Variants in PARD3B observed in about 807,000 individuals in gnomAD.
The protein encoded by PARD3B is partitioning defective 3 homolog B.
PARD3B carries 103 observed loss-of-function variants against 130.2 expected under a neutral mutation model. That is an observed-to-expected ratio of 0.79 (90% CI 0.67 to 0.93). The LOEUF (loss-of-function observed/expected upper bound fraction) is 0.93, where lower values mean the gene tolerates loss of function less well. Ranked by LOEUF, PARD3B falls within the 40% of genes least tolerant of loss-of-function variation. The pLI, the probability that PARD3B is intolerant of heterozygous loss-of-function variation, is 0.00. For synonymous variants in PARD3B, 583 were observed against 553.2 expected (o/e 1.05, Z -0.76); for missense variants, 1,609 against 1,499.2 (o/e 1.07, Z -1.21).
chr2:205,437,941 G>A (rs1285320091), intron 19 of PARD3B, among the ~76,000 whole-genome samples: 1 of 152,038 alleles, frequency 6.6e-6, no homozygotes, highest in African/African-American at 2.4e-5. Flanking sequence ...AATGAATTGG[G>A]GGTGGGGGTG....
At chr2:204,614,378 T>C (rs559159018) in intron 1 of PARD3B, among the ~76,000 whole-genome samples, 2 of 152,264 alleles carry the variant, frequency 1.3e-5, no homozygotes, top group African/African-American at 4.8e-5. Flanking sequence ...CAATTCAGAC[T>C]AATCATATTT....
At chr2:205,041,380 C>T (rs1047374844) in intron 3 of PARD3B, among the ~76,000 whole-genome samples, 5 of 152,180 alleles carry the variant, frequency 3.3e-5, no homozygotes, top group African/African-American at 9.7e-5. Flanking sequence ...CTCCCTATTG[C>T]TCTTCTTCAA....
At position 205,550,898 on chromosome 2, in the gene PARD3B, AATC is replaced by A. The variant is rs1172333880; in HGVS notation, c.3181-2423_3181-2421del. The stretch of plus-strand genomic sequence containing the variant: ...TGTATATTTGTATGTATATATACAT[AATC>A]ATGTTATAAATACATATAATTATGT... On this transcript the variant is annotated intron_variant, in intron 21 of 22. Transcript: ENST00000406610. The surrounding 1 kb of genome is among the most constrained non-coding windows in gnomAD (Gnocchi z 4.5). Among the ~76,000 whole-genome samples the A allele has an allele frequency of 3.4e-5, 5 of 147,542 alleles. No homozygotes were observed. Among genetic ancestry groups the A allele is most frequent in the Non-Finnish European group, 6.0e-5 (4 of 67,164 alleles).
chr2:205,036,611 A>G lies in PARD3B; in HGVS notation c.395-10970A>G, dbSNP rs34811075. Among the ~76,000 whole-genome samples the G allele has an allele frequency of 6.1e-5, 9 of 148,070 alleles. No homozygotes were observed. The East Asian group carries it at 1.2e-3, about 19-fold the overall frequency. ...ACACAGCGGACTGTATGTACAAAAA[A>G]TATATATACACAGCGGACTGTATGT... On this transcript the variant is annotated intron_variant, in intron 3 of 22. Coordinates refer to ENST00000406610, the MANE Select transcript of PARD3B (RefSeq NM_001302769.2).
chr2:205,373,876 AAGATGTAGTGTTTAACCATTTC>A lies in PARD3B; in HGVS notation c.2631-27132_2631-27111del, dbSNP rs1249466232. 1.6e-4 allele frequency among the ~76,000 whole-genome samples: 25 copies of A among 152,326 alleles called. No homozygotes were observed. In the East Asian group the frequency reaches 4.8e-3, roughly 29 times the overall value. ...GAGATTATCATTTCTGCATGCTAGA[AAGATGTAGTGTTTAACCATTTC>A]AGATCCTCCTAGCATTAAATTCATC... On this transcript the variant is annotated intron_variant, in intron 18 of 22. Coordinates refer to ENST00000406610, the MANE Select transcript of PARD3B (RefSeq NM_001302769.2).
chr2:204,668,721 C>A (rs981766128), intron 1 of PARD3B, among the ~76,000 whole-genome samples: 2 of 152,122 alleles, frequency 1.3e-5, no homozygotes, highest in African/African-American at 4.8e-5. Flanking sequence ...GGCAGAGTAA[C>A]ACCATCTGAA....
intron 18 of PARD3B, among the ~76,000 whole-genome samples, chr2:205,318,464 A>C (rs1209344616): frequency 6.6e-6 from 1 of 152,132 alleles, no homozygotes; most frequent in Non-Finnish European, 1.5e-5. Context: ...CGACTATCGC[A>C]CTTTTGGAAA....
intron 16 of PARD3B, among the ~76,000 whole-genome samples, chr2:205,297,820 T>C (rs2041850712): frequency 6.6e-6 from 1 of 152,224 alleles, no homozygotes; most frequent in Non-Finnish European, 1.5e-5. Context: ...TACCATGTAT[T>C]ACATCCAATA....
intron 1 of PARD3B, among the ~76,000 whole-genome samples, chr2:204,660,961 T>G (rs1162132601): frequency 3.3e-5 from 5 of 152,194 alleles, no homozygotes; most frequent in Admixed American, 3.3e-4. Flanking sequence ...TTTCTTTCAT[T>G]GCAGTGCCTG....
In PARD3B at chr2:205,015,571, TTGAG is replaced by T. The variant is rs1696082443; in HGVS notation, c.395-32002_395-31999del. Among the ~76,000 whole-genome samples the T allele has an allele frequency of 6.6e-6, 1 of 152,178 alleles. No individual in the cohort carries two copies. The highest frequency in any genetic ancestry group is 1.5e-5 in the Non-Finnish European group (1 of 68,032). ...CAGGTATTGGATGATAGTTGGGGAATTGAGTGAGTGAACTAATGAAATGAATGAA... is the reference window on the plus strand; with the variant it reads ...CAGGTATTGGATGATAGTTGGGGAATTGAGTGAACTAATGAAATGAATGAA... On this transcript the variant is annotated intron_variant, in intron 3 of 22. Coordinates refer to ENST00000406610, the MANE Select transcript of PARD3B (RefSeq NM_001302769.2). The surrounding 1 kb of genome is among the most constrained non-coding windows in gnomAD (Gnocchi z 4.5).
At chr2:205,052,310 T>C (rs549895843) in intron 4 of PARD3B, among the ~76,000 whole-genome samples, 2 of 151,478 alleles carry the variant, frequency 1.3e-5, no homozygotes, top group East Asian at 3.9e-4. Context: ...ATACTGTGGT[T>C]GTTCTCAGAG....
chr2:205,234,188 C>T (rs1159201193), intron 15 of PARD3B, among the ~76,000 whole-genome samples: 1 of 152,176 alleles, frequency 6.6e-6, no homozygotes, highest in East Asian at 1.9e-4. Flanking sequence ...GACATGGTGG[C>T]TCATGCCTGT....
intron 2 of PARD3B, among the ~76,000 whole-genome samples, chr2:204,915,481 T>C (rs1483328788): frequency 6.6e-6 from 1 of 152,186 alleles, no homozygotes; most frequent in Non-Finnish European, 1.5e-5. Context: ...GAATAGTCAT[T>C]ATTTTGCCAT....
intron 2 of PARD3B, among the ~76,000 whole-genome samples, chr2:204,771,928 G>C (rs2041404880): frequency 6.6e-6 from 1 of 151,960 alleles, no homozygotes; most frequent in Admixed American, 6.6e-5. Flanking sequence ...AAAGACAAAA[G>C]AAATTTTATG....
In PARD3B at chr2:204,890,244, G is replaced by A. The variant is rs192324414; in HGVS notation, c.223-74908G>A. Among the ~76,000 whole-genome samples the A allele has an allele frequency of 8.5e-5, 13 of 152,262 alleles. No homozygotes were observed. In the East Asian group the frequency reaches 2.3e-3, roughly 27 times the overall value. ...AGTGTGTACAGGAAGGTATGCTTTG[G>A]TTCAGAACTGCATACATAGTAGGCA... is the stretch of plus-strand genomic sequence containing the variant. On this transcript the variant is annotated intron_variant, in intron 2 of 22. Transcript: ENST00000406610. The surrounding 1 kb of genome is among the most constrained non-coding windows in gnomAD (Gnocchi z 4.9).
chr2:205,200,087 C>T (rs1390151732), intron 15 of PARD3B, among the ~76,000 whole-genome samples: 1 of 151,976 alleles, frequency 6.6e-6, no homozygotes, highest in African/African-American at 2.4e-5. Context: ...AAATGTTTTA[C>T]ATATAGGTTA....
chr2:204,873,232 A>G (rs541492451), intron 2 of PARD3B, among the ~76,000 whole-genome samples: 110 of 152,292 alleles, frequency 7.2e-4, no homozygotes, highest in Non-Finnish European at 1.0e-3. Context: ...TTCTTGCTTT[A>G]CACACAATTT....
Position 204,918,257 on chromosome 2 carries a change from TC to T in PARD3B, c.223-46893del, listed in dbSNP as rs531314293. ...CATTACAAACAGGCAACTTGTTTTT[TC>T]CACATTATAATGCTTGATAGTGTTC... On this transcript the variant is annotated intron_variant, in intron 2 of 22. Coordinates refer to ENST00000406610, the MANE Select transcript of PARD3B (RefSeq NM_001302769.2). Among the ~76,000 whole-genome samples the T allele has an allele frequency of 3.9e-5, 6 of 152,362 alleles. No homozygotes were observed. The East Asian group carries it at 1.2e-3, about 29-fold the overall frequency.
Position 205,321,618 on chromosome 2 carries a change from TC to T in PARD3B, c.2630+19918del, listed in dbSNP as rs2042756086. Among the ~76,000 whole-genome samples the T allele has an allele frequency of 6.6e-6, 1 of 152,226 alleles. No individual in the cohort carries two copies. Among genetic ancestry groups the T allele is most frequent in the Non-Finnish European group, 1.5e-5 (1 of 68,036 alleles). On this transcript the variant is annotated intron_variant, in intron 18 of 22. Transcript: ENST00000406610. This position sits in a 1 kb window ranked among gnomAD's most constrained non-coding sequence, Gnocchi z 4.2. Reference sequence around the variant, plus strand: ...TAAGTGTACTTTGAAGCTAGGACTATCACTGTATCATTTTATTATACTTTTG... The same window carrying T: ...TAAGTGTACTTTGAAGCTAGGACTATACTGTATCATTTTATTATACTTTTG...
Sources: allele counts gnomAD v4.1 joint callset (sites outside exome capture counted in the v4.1 genomes callset), GRCh38; gene constraint gnomAD v4.1.1; non-coding constraint Gnocchi (gnomAD v3.1); transcripts MANE v1.5; gene names NCBI Gene and HGNC (gene_info 2026-07-23, HGNC 2026-07-21).